LRRC8B: variants seen among roughly 807,000 people sequenced by gnomAD.
The protein encoded by LRRC8B is leucine rich repeat containing 8 VRAC subunit B, also known as volume-regulated anion channel subunit LRRC8B.
In LRRC8B, 23 loss-of-function variants were observed where a neutral mutation model predicts 58.8. The ratio of observed to expected loss-of-function variants is 0.39; its 90% CI spans 0.28 to 0.55. LRRC8B has a LOEUF of 0.55. Ranked by LOEUF, LRRC8B falls within the 20% of genes least tolerant of loss-of-function variation. The probability of loss-of-function intolerance (pLI) is 0.62; values close to 1 mark genes in which losing one functional copy is unlikely to be tolerated. For missense variants in LRRC8B, 694 were observed against 936.0 expected, an observed-to-expected ratio of 0.74 and a Z score of 3.37; for synonymous variants, 359 against 374.1, an observed-to-expected ratio of 0.96 and a Z score of 0.47.
intron 3 of LRRC8B, among the ~76,000 whole-genome samples, chr1:89,575,779 A>G (rs1286382709): frequency 2.0e-5 from 3 of 152,202 alleles, no homozygotes; most frequent in African/African-American, 7.2e-5. Flanking sequence ...CATAGGATCA[A>G]AATCTGAATC....
chr1:89,530,149 G>A (rs1650003281), intron 1 of LRRC8B, among the ~76,000 whole-genome samples: 1 of 149,502 alleles, frequency 6.7e-6, no homozygotes, highest in Non-Finnish European at 1.5e-5. Flanking sequence ...AGGAGTTCGA[G>A]ACCATCCTGG....
At chr1:89,547,478 A>G (rs1651495887) in intron 1 of LRRC8B, among the ~76,000 whole-genome samples, 1 of 152,164 alleles carries the variant, frequency 6.6e-6, no homozygotes. Context: ...TGTATGTTTA[A>G]AATTTTCCAT....
chr1:89,537,181 T>C (rs1258648764), intron 1 of LRRC8B, among the ~76,000 whole-genome samples: 1 of 152,202 alleles, frequency 6.6e-6, no homozygotes, highest in African/African-American at 2.4e-5. Context: ...GGCTTGAGGC[T>C]TGAGTTCAAG....
chr1:89,528,827 A>G (rs1472322296), intron 1 of LRRC8B, among the ~76,000 whole-genome samples: 1 of 152,220 alleles, frequency 6.6e-6, no homozygotes, highest in Non-Finnish European at 1.5e-5. Flanking sequence ...GAAAGAAGGA[A>G]AAAGGAAGGA....
Position 89,583,796 on chromosome 1 carries a change from A to G in LRRC8B, c.1146A>G (p.Lys382=). Residue 382 remains lysine (K), a synonymous_variant, in exon 5 of 6, where the codon AAA becomes AAG. Transcript: ENST00000330947. The surrounding 1 kb of genome is among the most constrained non-coding windows in gnomAD (Gnocchi z 5.2). ...LADQYDPLYS[K]RFSIFLSEVS... ...ATCAGTATGATCCTCTTTATTCCAA[A>G]CGCTTCTCCATATTCCTATCAGAGG... 6.2e-7 allele frequency: 1 copy of G among 1,614,124 alleles called. No homozygotes were observed. Among genetic ancestry groups the G allele is most frequent in the Admixed American group, 1.7e-5 (1 of 60,014 alleles).
intron 5 of LRRC8B, among the ~76,000 whole-genome samples, 196 bp downstream of exon 5, chr1:89,584,985 A>G (rs1164525647): frequency 6.6e-6 from 1 of 152,256 alleles, no homozygotes; most frequent in Non-Finnish European, 1.5e-5. Flanking sequence ...ATGAAAAAAC[A>G]TAAAAGCATT....
intron 3 of LRRC8B, among the ~76,000 whole-genome samples, chr1:89,576,389 G>GA (rs900882986): frequency 2.7e-5 from 4 of 150,038 alleles, no homozygotes; most frequent in East Asian, 1.9e-4. Flanking sequence ...AGATTTGGGG[G>GA]AAAAAAAAAA....
chr1:89,563,743 G>A (rs1224147361), intron 1 of LRRC8B, among the ~76,000 whole-genome samples: 2 of 152,170 alleles, frequency 1.3e-5, no homozygotes, highest in African/African-American at 4.8e-5. Flanking sequence ...CTAAGCATTT[G>A]AATTGTAGTT....
intron 1 of LRRC8B, among the ~76,000 whole-genome samples, chr1:89,545,022 T>TG (rs1651292519): frequency 1.3e-5 from 2 of 152,360 alleles, no homozygotes; most frequent in East Asian, 3.9e-4. Flanking sequence ...AAACATATAT[T>TG]GCTTTCTTTG....
intron 1 of LRRC8B, among the ~76,000 whole-genome samples, chr1:89,551,066 G>C (rs772629026): frequency 1.3e-5 from 2 of 151,954 alleles, no homozygotes; most frequent in African/African-American, 2.4e-5. Flanking sequence ...TCCCCCTCTG[G>C]CCGTGAAGAT....
intron 1 of LRRC8B, among the ~76,000 whole-genome samples, chr1:89,537,582 C>T (rs972949522): frequency 6.6e-6 from 1 of 152,170 alleles, no homozygotes; most frequent in Non-Finnish European, 1.5e-5. Context: ...AAGCGATTCT[C>T]CTGCCTCAGC....
intron 1 of LRRC8B, among the ~76,000 whole-genome samples, chr1:89,527,796 A>G (rs1309052796): frequency 6.6e-6 from 1 of 152,252 alleles, no homozygotes; most frequent in Non-Finnish European, 1.5e-5. Flanking sequence ...CCTAGCTCCA[A>G]TCACTGATCT....
At chr1:89,550,894 G>A (rs1651756534) in intron 1 of LRRC8B, among the ~76,000 whole-genome samples, 2 of 152,044 alleles carry the variant, frequency 1.3e-5, no homozygotes, top group African/African-American at 4.8e-5. Context: ...CTGCCCCATT[G>A]TATCTCTCAT....
chr1:89,585,085 T>G (rs183414666), intron 5 of LRRC8B, among the ~76,000 whole-genome samples: 1 of 152,360 alleles, frequency 6.6e-6, no homozygotes, highest in Admixed American at 6.5e-5. Flanking sequence ...CACAAAGTAT[T>G]TTAAACTATT....
chr1:89,595,536 G>A lies in LRRC8B; in HGVS notation c.*2493G>A, dbSNP rs566878728. On this transcript the variant is annotated 3_prime_UTR_variant, in exon 6 of 6. Transcript: ENST00000330947. ...TGGCTAAATTTTCCTTATCACCTAC[G>A]TAAATTTCTAGAAGAATTTACTAGC... 2 of 152,004 alleles carry A rather than the reference G, an allele frequency of 1.3e-5. No individual in the cohort carries two copies. Among genetic ancestry groups the A allele is most frequent in the Admixed American group, 6.6e-5 (1 of 15,264 alleles). 9.4% of individuals were successfully genotyped at this position (152,004 alleles called of 1,614,324 possible). A position where few individuals can be genotyped will look rare whatever the true frequency, so the allele number is the denominator to read the frequency against.
At chr1:89,532,411 C>T (rs555578451) in intron 1 of LRRC8B, among the ~76,000 whole-genome samples, 1 of 152,268 alleles carries the variant, frequency 6.6e-6, no homozygotes, top group African/African-American at 2.4e-5. Flanking sequence ...GGCTGTGTCC[C>T]CACCCAAATC....
intron 1 of LRRC8B, among the ~76,000 whole-genome samples, chr1:89,554,098 T>C (rs1303777834): frequency 6.6e-6 from 1 of 152,180 alleles, no homozygotes; most frequent in Admixed American, 6.5e-5. Flanking sequence ...GAAAATTTTT[T>C]AGTGTGGAAT....
At chr1:89,589,085 C>T (rs1025662122) in intron 5 of LRRC8B, among the ~76,000 whole-genome samples, 1 of 151,956 alleles carries the variant, frequency 6.6e-6, no homozygotes, top group African/African-American at 2.4e-5. Context: ...AATATTTTTT[C>T]TATTATATAA....
intron 3 of LRRC8B, among the ~76,000 whole-genome samples, chr1:89,569,601 G>A (rs771142625): frequency 6.6e-5 from 10 of 152,086 alleles, no homozygotes; most frequent in Non-Finnish European, 1.3e-4. Flanking sequence ...CATAGGCTAA[G>A]GGCCTCCAGC....
Sources: allele counts gnomAD v4.1 joint callset (sites outside exome capture counted in the v4.1 genomes callset), GRCh38; gene constraint gnomAD v4.1.1; non-coding constraint Gnocchi (gnomAD v3.1); transcripts MANE v1.5; gene names NCBI Gene and HGNC (gene_info 2026-07-23, HGNC 2026-07-21).